ST6GAL1: variants seen among roughly 807,000 people sequenced by gnomAD.
ST6GAL1 encodes the protein beta-galactoside alpha-2,6-sialyltransferase 1.
Under a neutral mutation model 38.0 loss-of-function variants are expected in ST6GAL1, and 20 were observed. The ratio of observed to expected loss-of-function variants is 0.53; its 90% CI spans 0.37 to 0.77. The LOEUF is 0.77. Ranked by LOEUF, ST6GAL1 falls within the 30% of genes least tolerant of loss-of-function variation. The probability of loss-of-function intolerance (pLI) is 0.00; values close to 1 mark genes in which losing one functional copy is unlikely to be tolerated. For missense variants in ST6GAL1, 432 were observed against 496.4 expected (o/e 0.87, Z 1.23); for synonymous variants, 196 against 188.2 (o/e 1.04, Z -0.34).
At chr3:186,940,481 A>G (rs888623177) in intron 1 of ST6GAL1, among the ~76,000 whole-genome samples, 1 of 152,258 alleles carries the variant, frequency 6.6e-6, no homozygotes, top group Non-Finnish European at 1.5e-5. Flanking sequence ...TAGATGGATT[A>G]CAATCAAACT....
chr3:187,001,652 A>G (rs553566196), intron 2 of ST6GAL1, among the ~76,000 whole-genome samples: 4 of 152,254 alleles, frequency 2.6e-5, no homozygotes, highest in African/African-American at 9.6e-5. Context: ...GGCCCACCAT[A>G]TATGTAATGA....
At chr3:187,014,713 G>C (rs181042439) in intron 2 of ST6GAL1, among the ~76,000 whole-genome samples, 1 of 152,270 alleles carries the variant, frequency 6.6e-6, no homozygotes, top group Admixed American at 6.5e-5. Context: ...TCCCATTTGC[G>C]GTTCCTTCAT....
intron 2 of ST6GAL1, among the ~76,000 whole-genome samples, chr3:187,019,870 T>C (rs769398635): frequency 4.6e-5 from 7 of 152,136 alleles, no homozygotes; most frequent in African/African-American, 7.2e-5. Flanking sequence ...GCAGAGTAAA[T>C]AGGTGTCACC....
rs1714844628 is a variant in ST6GAL1, at chr3:186,959,002, ATAAGT to A, written c.-324-4779_-324-4775del. ...TAAATAAATAAATAAATAAAATAAA[ATAAGT>A]TAAAAAGGGCTCAGTGTCTCCCCCT... is the stretch of plus-strand genomic sequence containing the variant. On this transcript the variant is annotated intron_variant, in intron 1 of 7. Transcript: ENST00000169298. Among the ~76,000 whole-genome samples the A allele has an allele frequency of 2.0e-5, 3 of 150,892 alleles. No homozygotes were observed. The South Asian group carries it at 6.3e-4, about 32-fold the overall frequency.
chr3:186,970,778 A>G (rs1365581652), intron 2 of ST6GAL1, among the ~76,000 whole-genome samples: 2 of 152,148 alleles, frequency 1.3e-5, no homozygotes, highest in African/African-American at 4.8e-5. Context: ...CATGGTATGC[A>G]TGTATCACAG....
At chr3:187,002,980 A>G (rs573229905) in intron 2 of ST6GAL1, among the ~76,000 whole-genome samples, 15 of 152,378 alleles carry the variant, frequency 9.8e-5, no homozygotes, top group African/African-American at 3.6e-4. Flanking sequence ...GGCTTATGCA[A>G]TTATGGAAAC....
chr3:187,044,587 A>G (rs932850232), intron 4 of ST6GAL1, among the ~76,000 whole-genome samples: 1 of 152,256 alleles, frequency 6.6e-6, no homozygotes, highest in Non-Finnish European at 1.5e-5. Context: ...TTGTTCATCC[A>G]TAATGGAGCT....
intron 2 of ST6GAL1, among the ~76,000 whole-genome samples, chr3:186,981,734 T>C (rs1454636965): frequency 1.3e-5 from 2 of 152,204 alleles, no homozygotes; most frequent in Non-Finnish European, 2.9e-5. Flanking sequence ...GACTCAACCC[T>C]TATCCTGGTC....
At chr3:187,057,191 T>G (rs984697214) in intron 5 of ST6GAL1, among the ~76,000 whole-genome samples, 3 of 152,210 alleles carry the variant, frequency 2.0e-5, no homozygotes, top group Non-Finnish European at 2.9e-5. Flanking sequence ...TTTATTCTAG[T>G]TAGCCATTCA....
chr3:187,052,682 T>G (rs1485473111), intron 5 of ST6GAL1, among the ~76,000 whole-genome samples: 1 of 152,242 alleles, frequency 6.6e-6, no homozygotes, highest in African/African-American at 2.4e-5. Context: ...CACATTTTCT[T>G]AATCCAGTCT....
At chr3:187,014,047 C>G (rs1290474766) in intron 2 of ST6GAL1, among the ~76,000 whole-genome samples, 1 of 152,236 alleles carries the variant, frequency 6.6e-6, no homozygotes, top group African/African-American at 2.4e-5. Context: ...CCCTCCTCCC[C>G]TGCTTCCTGG....
rs751896785 is a variant in ST6GAL1, at chr3:186,987,204, GAAAGA to G, written c.-183+23283_-183+23287del. ...ACAGGGAGGGAGGGAGGGAGGGAAG[GAAAGA>G]AAAGGAAAGAAAGCAAGGAAGGAAG... On this transcript the variant is annotated intron_variant, in intron 2 of 7. Transcript: ENST00000169298. Among the ~76,000 whole-genome samples the G allele has an allele frequency of 1.5e-4, 22 of 150,380 alleles. No homozygotes were observed. The East Asian group carries it at 2.5e-3, about 17-fold the overall frequency.
intron 5 of ST6GAL1, among the ~76,000 whole-genome samples, chr3:187,058,202 C>T (rs939484845): frequency 6.6e-6 from 1 of 152,302 alleles, no homozygotes; most frequent in Non-Finnish European, 1.5e-5. Flanking sequence ...CCGTCTGTCA[C>T]GACTTCCCTT....
chr3:186,961,430 G>A (rs1270668293), intron 1 of ST6GAL1, among the ~76,000 whole-genome samples: 2 of 152,000 alleles, frequency 1.3e-5, no homozygotes, highest in Admixed American at 6.5e-5. Context: ...ATGTATGGAC[G>A]AATTGTCTTT....
At chr3:186,995,500 C>G (rs1470073590) in intron 2 of ST6GAL1, among the ~76,000 whole-genome samples, 1 of 64,184 alleles carries the variant, frequency 1.6e-5, no homozygotes, top group Non-Finnish European at 2.9e-5. Flanking sequence ...AGTGAGACAC[C>G]ATCTCAAAAA....
intron 2 of ST6GAL1, among the ~76,000 whole-genome samples, chr3:186,976,186 TG>T: frequency 6.6e-6 from 1 of 152,318 alleles, no homozygotes; most frequent in Middle Eastern, 3.4e-3. Flanking sequence ...GGTGTGACCT[TG>T]TGGGTCTTTC....
At chr3:187,022,472 T>C (rs1717360197) in intron 2 of ST6GAL1, among the ~76,000 whole-genome samples, 1 of 152,070 alleles carries the variant, frequency 6.6e-6, no homozygotes, top group Admixed American at 6.5e-5. Flanking sequence ...TGACTTGAAG[T>C]CAGTAGGAAG....
chr3:187,047,421 TAG>T (rs1051015212), intron 4 of ST6GAL1, among the ~76,000 whole-genome samples: 1 of 152,180 alleles, frequency 6.6e-6, no homozygotes, highest in African/African-American at 2.4e-5. Context: ...TCTAGCTATT[TAG>T]AGTTAACTAC....
intron 2 of ST6GAL1, among the ~76,000 whole-genome samples, chr3:187,032,972 C>T (rs1010474177): frequency 2.0e-5 from 3 of 152,160 alleles, no homozygotes; most frequent in African/African-American, 7.2e-5. Context: ...ATGGCTTCCT[C>T]TTAGTTCTGT....
Sources: allele counts gnomAD v4.1 joint callset (sites outside exome capture counted in the v4.1 genomes callset), GRCh38; gene constraint gnomAD v4.1.1; transcripts MANE v1.5; gene names NCBI Gene and HGNC (gene_info 2026-07-23, HGNC 2026-07-21).